The following CRADD variants were observed in gnomAD, a reference collection of about 807,000 sequenced individuals.
CRADD encodes CARD and death domain containing adaptor protein.
A neutral mutation model predicts 15.5 loss-of-function variants in CRADD; 9 were observed. The observed-to-expected ratio is 0.58, with a 90% CI of 0.35 to 1.01. CRADD has a LOEUF of 1.01. CRADD is among the 50% of genes least tolerant of loss of function. The pLI, the probability that CRADD is intolerant of heterozygous loss-of-function variation, is 0.02. For missense variants in CRADD, 227 were observed against 250.3 expected (o/e 0.91, Z 0.63); for synonymous variants, 118 against 107.6 (o/e 1.10, Z -0.60).
chr12:93,706,570 T>A (rs1264244232), intron 2 of CRADD, among the ~76,000 whole-genome samples: 2 of 152,206 alleles, frequency 1.3e-5, no homozygotes, highest in Non-Finnish European at 2.9e-5. Context: ...TGTGCTGTTT[T>A]ATCAGAAGCC....
rs369294438 is a variant in CRADD, at chr12:93,703,713, T to G, written c.298+24641T>G. Among the ~76,000 whole-genome samples, 62 of 152,170 alleles carry G rather than the reference T, an allele frequency of 4.1e-4. 1 individual carries two copies. Among genetic ancestry groups the G allele is most frequent in the African/African-American group, 1.4e-3 (60 of 41,512 alleles). ...TTTGAAATAATTTAAGACAAGAAGT[T>G]GCAAAAATAGTACTGAGAGATCCCA... On this transcript the variant is annotated intron_variant, in intron 2 of 2. Coordinates refer to ENST00000332896, the MANE Select transcript of CRADD (RefSeq NM_003805.5).
intron 2 of CRADD, among the ~76,000 whole-genome samples, chr12:93,702,907 C>T (rs1021639714): frequency 9.2e-5 from 14 of 152,160 alleles, no homozygotes; most frequent in African/African-American, 3.1e-4. Flanking sequence ...GACAGAATCA[C>T]CTTTTTGGTA....
At chr12:93,892,447 G>C (rs1228242506) in intron 2 of CRADD, among the ~76,000 whole-genome samples, 1 of 152,178 alleles carries the variant, frequency 6.6e-6, no homozygotes, top group Admixed American at 6.5e-5. Flanking sequence ...TAAGGATTAC[G>C]TTGTGATTGC....
At chr12:93,878,932 G>C (rs1261964739) in intron 2 of CRADD, among the ~76,000 whole-genome samples, 1 of 152,016 alleles carries the variant, frequency 6.6e-6, no homozygotes, top group African/African-American at 2.4e-5. Flanking sequence ...TTGTTAAATT[G>C]GTGTCCTTGC....
intron 2 of CRADD, among the ~76,000 whole-genome samples, chr12:93,828,490 T>C (rs1957851966): frequency 6.6e-6 from 1 of 152,224 alleles, no homozygotes; most frequent in East Asian, 1.9e-4. Flanking sequence ...TTGTGTATGA[T>C]ATGGGGTATG....
chr12:93,772,968 AAAG>A (rs1394277922), intron 2 of CRADD, among the ~76,000 whole-genome samples: 1 of 152,236 alleles, frequency 6.6e-6, no homozygotes, highest in Non-Finnish European at 1.5e-5. Context: ...CCCAAAAAAT[AAAG>A]AAGATGAACT....
chr12:93,703,550 C>T (rs572874567), intron 2 of CRADD, among the ~76,000 whole-genome samples: 243 of 151,682 alleles, frequency 1.6e-3, no homozygotes, highest in Non-Finnish European at 2.6e-3. Flanking sequence ...TTTGTAGAGA[C>T]GAGGTTTTAC....
chr12:93,801,534 G>A (rs1957476619), intron 2 of CRADD, among the ~76,000 whole-genome samples: 1 of 151,868 alleles, frequency 6.6e-6, no homozygotes, highest in Non-Finnish European at 1.5e-5. Flanking sequence ...GAGTAGCTGG[G>A]ATTACAAGCA....
intron 2 of CRADD, among the ~76,000 whole-genome samples, chr12:93,857,104 G>A (rs1271138890): frequency 1.3e-5 from 2 of 151,480 alleles, no homozygotes; most frequent in Non-Finnish European, 2.9e-5. Flanking sequence ...TCAAAGCATA[G>A]GCTATGAAAT....
chr12:93,762,157 C>G (rs928093585), intron 2 of CRADD, among the ~76,000 whole-genome samples: 1 of 152,160 alleles, frequency 6.6e-6, no homozygotes, highest in Non-Finnish European at 1.5e-5. Flanking sequence ...GATAGTCTGC[C>G]TTTTCTGGTC....
In CRADD at chr12:93,728,425, G is replaced by A. The variant is rs79831521; in HGVS notation, c.298+49353G>A. Among the ~76,000 whole-genome samples, 7 of 152,160 alleles carry A rather than the reference G, an allele frequency of 4.6e-5. No homozygotes were observed. The East Asian group carries it at 9.6e-4, about 21-fold the overall frequency. ...AGAGAAACATGTTCATTGGTGAAAC[G>A]AGTCAATGTAGTAAATACGTCAATA... On this transcript the variant is annotated intron_variant, in intron 2 of 2. Transcript: ENST00000332896.
chr12:93,821,156 A>G (rs1957765141), intron 2 of CRADD, among the ~76,000 whole-genome samples: 1 of 152,246 alleles, frequency 6.6e-6, no homozygotes, highest in African/African-American at 2.4e-5. Context: ...CTCAAAGATT[A>G]GCAGATGTGA....
intron 2 of CRADD, among the ~76,000 whole-genome samples, chr12:93,766,246 T>A (rs1188378247): frequency 6.6e-6 from 1 of 152,182 alleles, no homozygotes; most frequent in Non-Finnish European, 1.5e-5. Flanking sequence ...TTAGTGAATC[T>A]TAAGATTCTG....
At chr12:93,697,234 A>C (rs950147700) in intron 2 of CRADD, among the ~76,000 whole-genome samples, 16 of 152,182 alleles carry the variant, frequency 1.1e-4, no homozygotes, top group African/African-American at 3.6e-4. Context: ...GGGGTGAAGT[A>C]ATTAAGTCAT....
rs1555231623 is a variant in CRADD at position 93,886,162 on chromosome 12, C to CGTTTTT, written c.299-7888_299-7887insGTTTTT. Among the ~76,000 whole-genome samples, 35 of 123,946 alleles carry CGTTTTT rather than the reference C, an allele frequency of 2.8e-4. 2 individuals are homozygous for CGTTTTT. The highest frequency in any genetic ancestry group is 1.0e-3 in the African/African-American group (34 of 32,930). The allele number at this position is 123,946 out of a possible 152,430, so 81.3% of individuals were successfully genotyped here. ...ATGGACATGCCTCTAGCTGCTGATG[C>CGTTTTT]TTTTTTTTTTTTTTTTTTTTGAGAC... On this transcript the variant is annotated intron_variant, in intron 2 of 2. Transcript: ENST00000548483.
At chr12:93,790,668 A>T (rs1359968482) in intron 2 of CRADD, 1 of 152,122 alleles carries the variant, frequency 6.6e-6, no homozygotes, top group Non-Finnish European at 1.5e-5. Context: ...TCTGTGGTTT[A>T]ATCCACTGGC....
intron 2 of CRADD, among the ~76,000 whole-genome samples, chr12:93,747,996 T>A (rs4144503): frequency 0.49 from 74,387 of 150,420 alleles, 18,539 homozygotes; most frequent in East Asian, 0.63. Context: ...GAGAAAAAAA[T>A]ATATATATAT....
intron 2 of CRADD, among the ~76,000 whole-genome samples, chr12:93,847,485 A>G (rs545420318): frequency 1.5e-5 from 2 of 135,454 alleles, no homozygotes; most frequent in East Asian, 5.3e-4. Context: ...TATGGCAGTC[A>G]TGAGCATTGC....
chr12:93,695,732 G>T (rs953144679), intron 2 of CRADD, among the ~76,000 whole-genome samples: 3 of 152,140 alleles, frequency 2.0e-5, no homozygotes, highest in Admixed American at 2.0e-4. Context: ...GTGAAACCCT[G>T]TCTCTACTAA....
Sources: gnomAD v4.1 joint callset for allele counts (sites outside exome capture counted in the v4.1 genomes callset) on GRCh38, gnomAD v4.1.1 for gene constraint, MANE v1.5 for transcripts, NCBI Gene and HGNC (gene_info 2026-07-23, HGNC 2026-07-21) for gene names.